The following NUDT5 variants were observed in gnomAD, a reference collection of about 807,000 sequenced individuals.
NUDT5 encodes nudix hydrolase 5.
Under a neutral mutation model 34.1 loss-of-function variants are expected in NUDT5, and 21 were observed. That is an observed-to-expected ratio of 0.62 (90% CI 0.44 to 0.89). The LOEUF (loss-of-function observed/expected upper bound fraction) is 0.89. NUDT5 is among the 40% of genes least tolerant of loss of function. The pLI, the probability that NUDT5 is intolerant of heterozygous loss-of-function variation, is 0.00. For missense variants in NUDT5, 249 were observed against 274.8 expected (o/e 0.91, Z 0.66); for synonymous variants, 85 against 97.6 (o/e 0.87, Z 0.76).
chr10:12,192,002 C>T (rs1482528918), intron 1 of NUDT5, among the ~76,000 whole-genome samples: 1 of 152,064 alleles, frequency 6.6e-6, no homozygotes, highest in African/African-American at 2.4e-5. Context: ...AAAATCCTAA[C>T]AAGAAATTGT....
At position 12,169,320 on chromosome 10, in the gene NUDT5, TCTA is replaced by T; in HGVS notation, c.550+1394_550+1396del. ...AGACATTTTACAAAAAGGATACTCT[TCTA>T]CTAAAAGATAACCCCGCACGGCATT... On this transcript the variant is annotated intron_variant, in intron 9 of 9. Coordinates refer to ENST00000491614, the MANE Select transcript of NUDT5 (RefSeq NM_014142.4). This position sits in a 1 kb window ranked among gnomAD's most constrained non-coding sequence, Gnocchi z 4.8. 1 of 1,553,818 alleles carries T rather than the reference TCTA, an allele frequency of 6.4e-7. No homozygotes were observed. Among genetic ancestry groups the T allele is most frequent in the Non-Finnish European group, 8.7e-7 (1 of 1,146,988 alleles).
Position 12,171,656 on chromosome 10 carries a change from T to G in NUDT5, c.488-748A>C, listed in dbSNP as rs1390973394. ...CCAAACTTTTCCACAGTGTCTCATA[T>G]GTATATGTGCAGTTCAAAAATTAAG... On this transcript the variant is annotated intron_variant, in intron 7 of 9. Transcript: ENST00000491614. This position sits in a 1 kb window ranked among gnomAD's most constrained non-coding sequence, Gnocchi z 4.2. Among the ~76,000 whole-genome samples, 1 of 152,100 alleles carries G rather than the reference T, an allele frequency of 6.6e-6. No homozygotes were observed. Among genetic ancestry groups the G allele is most frequent in the African/African-American group, 2.4e-5 (1 of 41,414 alleles).
chr10:12,185,128 T>C (rs1245826035), intron 2 of NUDT5, among the ~76,000 whole-genome samples, 172 bp from the exon 3 acceptor site: 2 of 152,164 alleles, frequency 1.3e-5, no homozygotes, highest in South Asian at 4.1e-4. Flanking sequence ...GTATTCAGGG[T>C]TGTTTTTTTA....
chr10:12,184,858 G>A (rs769479313), intron 3 of NUDT5, 31 bp downstream of exon 3: 11 of 1,268,822 alleles, frequency 8.7e-6, no homozygotes, highest in South Asian at 2.6e-5. Flanking sequence ...CCCAAATAAC[G>A]AACATTTTGT....
In NUDT5 at chr10:12,169,338, C is replaced by T. The variant is rs373280594; in HGVS notation, c.550+1379G>A. The T allele has an allele frequency of 1.6e-5, 25 of 1,540,900 alleles. No individual in the cohort carries two copies. The African/African-American group carries it at 1.8e-4, about 11-fold the overall frequency. ...ATACTCTTCTACTAAAAGATAACCCCGCACGGCATTTCACACTTGCCTACG... is the reference window on the plus strand; with the variant it reads ...ATACTCTTCTACTAAAAGATAACCCTGCACGGCATTTCACACTTGCCTACG... On this transcript the variant is annotated intron_variant, in intron 9 of 9. Transcript: ENST00000491614. This position sits in a 1 kb window ranked among gnomAD's most constrained non-coding sequence, Gnocchi z 4.8.
At chr10:12,179,794 G>T (rs556351864) in intron 3 of NUDT5, among the ~76,000 whole-genome samples, 1 of 152,270 alleles carries the variant, frequency 6.6e-6, no homozygotes, top group East Asian at 1.9e-4. Context: ...TCAGCTTTTG[G>T]GTAACATCTG....
intron 1 of NUDT5, among the ~76,000 whole-genome samples, chr10:12,191,500 A>C (rs1835230889): frequency 6.6e-6 from 1 of 152,222 alleles, no homozygotes; most frequent in African/African-American, 2.4e-5. Flanking sequence ...GGCCATACAC[A>C]GATTTGGCTG....
At chr10:12,189,963 C>G (rs201790881) in intron 1 of NUDT5, among the ~76,000 whole-genome samples, 1 of 150,928 alleles carries the variant, frequency 6.6e-6, no homozygotes, top group Non-Finnish European at 1.5e-5. Flanking sequence ...GCGCGATCTC[C>G]GCTCACTGCA....
rs748911242 is a variant in NUDT5 at position 12,173,773 on chromosome 10, G to A, written c.330C>T (p.Leu110=). 3 of 1,613,988 alleles carry A rather than the reference G, an allele frequency of 1.9e-6. No homozygotes were observed. In the Admixed American group the frequency reaches 5.0e-5, roughly 27 times the overall value. ...AGCCAGTTTCTTCTTCAAGCTCCCGGAGAGCAGCTGCTTCTGGGGTTTCAC... is the reference window on the plus strand; with the variant it reads ...AGCCAGTTTCTTCTTCAAGCTCCCGAAGAGCAGCTGCTTCTGGGGTTTCAC... The part of the protein sequence containing the change: ...DDGETPEAAA[L]RELEEETGYK... Residue 110 remains leucine (L), a synonymous_variant, in exon 6 of 10, where the codon CTC becomes CTT. Coordinates refer to ENST00000491614, the MANE Select transcript of NUDT5 (RefSeq NM_014142.4). This position sits in a 1 kb window ranked among gnomAD's most constrained non-coding sequence, Gnocchi z 4.7.
Position 12,179,113 on chromosome 10 carries a change from G to C in NUDT5, c.151C>G (p.Arg51Gly), listed in dbSNP as rs755821025. The C allele has an allele frequency of 4.3e-6, 7 of 1,613,932 alleles. No individual in the cohort carries two copies. Among genetic ancestry groups the C allele is most frequent in the Non-Finnish European group, 5.1e-6 (6 of 1,179,918 alleles). The change falls in exon 4 of 10, where the codon CGT (arginine) becomes GGT (glycine). Residue 51 changes from arginine to glycine, a missense_variant. By Grantham distance (125) the Arg-to-Gly change is moderately radical. Transcript: ENST00000491614. ...GKTRTWESVK[R>G]TTRKEQTADG... ...GCAGTCTGCTCTTTCCTGGTTGTAC[G>C]TTTCACTGATTCCCAAGTTCTGTTC...
rs1834841370 is a variant in NUDT5 at position 12,170,967 on chromosome 10, CTT to C, written c.488-61_488-60del. ...GGCCTGGAGTGGTAACATCGGAAGA[CTT>C]TTATACAAGAGGCGTCAAAAAGGCT... On this transcript the variant is annotated intron_variant, in intron 7 of 9. Coordinates refer to ENST00000491614, the MANE Select transcript of NUDT5 (RefSeq NM_014142.4). The surrounding 1 kb of genome is among the most constrained non-coding windows in gnomAD (Gnocchi z 4.9). 3 of 1,587,884 alleles carry C rather than the reference CTT, an allele frequency of 1.9e-6. No homozygotes were observed. Among genetic ancestry groups the C allele is most frequent in the Non-Finnish European group, 2.6e-6 (3 of 1,163,980 alleles).
At chr10:12,190,355 G>A (rs1057289783) in intron 1 of NUDT5, among the ~76,000 whole-genome samples, 2 of 152,192 alleles carry the variant, frequency 1.3e-5, no homozygotes, top group African/African-American at 4.8e-5. Context: ...GGGAAATGCT[G>A]TAAGATTTTT....
chr10:12,170,051 A>G lies in NUDT5; in HGVS notation c.550+666T>C, dbSNP rs939654949. On this transcript the variant is annotated intron_variant, in intron 9 of 9. Transcript: ENST00000491614. The surrounding 1 kb of genome is among the most constrained non-coding windows in gnomAD (Gnocchi z 4.9). ...GGCCCATGGTATGTCTCCATACAGT[A>G]TCTCCTCGTCTCCACACAGTATCTC... is the stretch of plus-strand genomic sequence containing the variant. The G allele has an allele frequency of 6.5e-7, 1 of 1,529,242 alleles. No individual in the cohort carries two copies. Among genetic ancestry groups the G allele is most frequent in the Non-Finnish European group, 9.1e-7 (1 of 1,104,452 alleles). 94.7% of individuals were successfully genotyped at this position (1,529,242 alleles called of 1,614,324 possible).
rs1834714992 is a variant in NUDT5, at chr10:12,167,003, A to T, written c.*699T>A. ...TTTCAGAAACTTCAAGTACTCTTTGAGGTAAGAATAGGAAAAGAGATCCTC... is the reference window on the plus strand; with the variant it reads ...TTTCAGAAACTTCAAGTACTCTTTGTGGTAAGAATAGGAAAAGAGATCCTC... On this transcript the variant is annotated 3_prime_UTR_variant, in exon 10 of 10. Coordinates refer to ENST00000491614, the MANE Select transcript of NUDT5 (RefSeq NM_014142.4). 4.9e-6 allele frequency: 1 copy of T among 205,936 alleles called. No individual in the cohort carries two copies. Among genetic ancestry groups the T allele is most frequent in the South Asian group, 6.7e-5 (1 of 15,036 alleles). The allele number at this position is 205,936 out of a possible 1,614,324, so 12.8% of individuals were successfully genotyped here. A position where few individuals can be genotyped will look rare whatever the true frequency, so the allele number is the denominator to read the frequency against.
chr10:12,184,768 A>G lies in NUDT5; in HGVS notation c.131+121T>C, dbSNP rs183444330. 6.2e-4 allele frequency: 426 copies of G among 688,214 alleles called. No individual in the cohort carries two copies. In the African/African-American group the frequency reaches 7.1e-3, roughly 11 times the overall value. 42.6% of individuals were successfully genotyped at this position (688,214 alleles called of 1,614,324 possible). On this transcript the variant is annotated intron_variant, in intron 3 of 9. Coordinates refer to ENST00000491614, the MANE Select transcript of NUDT5 (RefSeq NM_014142.4). ...ACATCCTAACACTGGAAAAACAGCT[A>G]AATCAGATTATTTAAAACAGAGTTT... is the stretch of plus-strand genomic sequence containing the variant.
chr10:12,168,214 G>A lies in NUDT5; in HGVS notation c.551-403C>T, dbSNP rs554704275. Among the ~76,000 whole-genome samples, 6 of 152,160 alleles carry A rather than the reference G, an allele frequency of 3.9e-5. No homozygotes were observed. The highest frequency in any genetic ancestry group is 2.0e-4 in the Admixed American group (3 of 15,280). On this transcript the variant is annotated intron_variant, in intron 9 of 9. Coordinates refer to ENST00000491614, the MANE Select transcript of NUDT5 (RefSeq NM_014142.4). The surrounding 1 kb of genome is among the most constrained non-coding windows in gnomAD (Gnocchi z 4.8). ...TAATTTTTGTATTTTTAGTAGAGAC[G>A]GGGTTTTTGCCATGTTGGCCAGGAT...
At chr10:12,180,915 C>G (rs769569790) in intron 3 of NUDT5, among the ~76,000 whole-genome samples, 1 of 152,192 alleles carries the variant, frequency 6.6e-6, no homozygotes, top group African/African-American at 2.4e-5. Flanking sequence ...AGGGTGACTT[C>G]GGCACTGTCT....
In NUDT5 at chr10:12,167,553, C is replaced by T. The variant is rs1179048599; in HGVS notation, c.*149G>A. On this transcript the variant is annotated 3_prime_UTR_variant, in exon 10 of 10. Transcript: ENST00000491614. ...GAAGGTCACAACCTACCTGTAATTA[C>T]AATTCCATACCACCACCACATCTGT... 1.5e-6 allele frequency: 1 copy of T among 682,100 alleles called. No homozygotes were observed. The highest frequency in any genetic ancestry group is 1.8e-5 in the African/African-American group (1 of 54,086). The allele number at this position is 682,100 out of a possible 1,614,324, so 42.3% of individuals were successfully genotyped here.
Position 12,169,676 on chromosome 10 carries a change from C to G in NUDT5, c.550+1041G>C. The G allele has an allele frequency of 4.2e-6, 1 of 238,988 alleles. No individual in the cohort carries two copies. Among genetic ancestry groups the G allele is most frequent in the South Asian group, 1.1e-4 (1 of 9,500 alleles). 14.8% of individuals were successfully genotyped at this position (238,988 alleles called of 1,614,324 possible). A position where few individuals can be genotyped will look rare whatever the true frequency, so the allele number is the denominator to read the frequency against. On this transcript the variant is annotated intron_variant, in intron 9 of 9. Coordinates refer to ENST00000491614, the MANE Select transcript of NUDT5 (RefSeq NM_014142.4). This position sits in a 1 kb window ranked among gnomAD's most constrained non-coding sequence, Gnocchi z 4.8. The stretch of plus-strand genomic sequence containing the variant: ...AAGGTGAAGCAGGAGTGGAAGCTCT[C>G]TAAGGGATACGAAATCTGATTTTAT...
Sources: allele counts gnomAD v4.1 joint callset (sites outside exome capture counted in the v4.1 genomes callset), GRCh38; gene constraint gnomAD v4.1.1; non-coding constraint Gnocchi (gnomAD v3.1); transcripts MANE v1.5; gene names NCBI Gene and HGNC (gene_info 2026-07-23, HGNC 2026-07-21).